The following CCBE1 variants were observed in gnomAD, a reference collection of about 807,000 sequenced individuals.
CCBE1 encodes the protein collagen and calcium binding EGF domains 1.
CCBE1 carries 37 observed loss-of-function variants against 50.0 expected under a neutral mutation model. The ratio of observed to expected loss-of-function variants is 0.74; its 90% CI spans 0.57 to 0.97. The LOEUF (loss-of-function observed/expected upper bound fraction) is 0.97. CCBE1 is among the 50% of genes least tolerant of loss of function. CCBE1 has a pLI of 0.00. For missense variants in CCBE1, 538 were observed against 523.8 expected, an observed-to-expected ratio of 1.03 and a Z score of -0.26; for synonymous variants, 234 against 203.7, an observed-to-expected ratio of 1.15 and a Z score of -1.27.
At chr18:59,671,327 C>T (rs2054426923) in intron 2 of CCBE1, among the ~76,000 whole-genome samples, 1 of 151,938 alleles carries the variant, frequency 6.6e-6, no homozygotes, top group Non-Finnish European at 1.5e-5. Context: ...CAGGGCAAAA[C>T]CCCATCTCTA....
intron 2 of CCBE1, among the ~76,000 whole-genome samples, chr18:59,547,331 A>G (rs1599000753): frequency 6.6e-6 from 1 of 152,278 alleles, no homozygotes; most frequent in African/African-American, 2.4e-5. Flanking sequence ...AGTTGACCTT[A>G]GAGAAAACAG....
At chr18:59,539,240 G>A (rs370743427) in intron 2 of CCBE1, among the ~76,000 whole-genome samples, 31 of 151,850 alleles carry the variant, frequency 2.0e-4, no homozygotes, top group African/African-American at 6.0e-4. Flanking sequence ...ATGACAGACC[G>A]TGACTGCCAT....
intron 2 of CCBE1, among the ~76,000 whole-genome samples, chr18:59,612,061 G>A (rs1321525604): frequency 6.6e-6 from 1 of 152,168 alleles, no homozygotes; most frequent in Non-Finnish European, 1.5e-5. Context: ...ACAGGTCTAA[G>A]CAGGAAGCCT....
rs80180473 is a variant in CCBE1 at position 59,466,064 on chromosome 18, T to C, written c.553+675A>G. Among the ~76,000 whole-genome samples the C allele has an allele frequency of 7.1e-3, 1,078 of 152,218 alleles. 5 individuals carry two copies. The highest frequency in any genetic ancestry group is 0.02 in the Middle Eastern group (6 of 294). On this transcript the variant is annotated intron_variant, in intron 5 of 10. Transcript: ENST00000439986. ...CCCTTCCTGCCCACTTGCCTGCTTG[T>C]CCTCTGAGGTACCTGATTGTGCTCT...
rs527531635 is a variant in CCBE1, at chr18:59,508,674, G to A, written c.213-28436C>T. On this transcript the variant is annotated intron_variant, in intron 2 of 10. Coordinates refer to ENST00000439986, the MANE Select transcript of CCBE1 (RefSeq NM_133459.4). ...GTAAAAGCATGAAGAGATAACTTAT[G>A]TAAAATGGTTTAGCACAGTACACAC... is the stretch of plus-strand genomic sequence containing the variant. Among the ~76,000 whole-genome samples the A allele has an allele frequency of 3.4e-5, 5 of 145,792 alleles. No homozygotes were observed. In the East Asian group the frequency reaches 1.0e-3, roughly 30 times the overall value.
At chr18:59,539,921 GC>G (rs1173268366) in intron 2 of CCBE1, among the ~76,000 whole-genome samples, 24 of 152,040 alleles carry the variant, frequency 1.6e-4, no homozygotes, top group African/African-American at 5.6e-4. Flanking sequence ...TAATAAATAA[GC>G]TTTTTTCAAA....
chr18:59,669,854 A>G (rs2054408463), intron 2 of CCBE1, among the ~76,000 whole-genome samples: 1 of 152,226 alleles, frequency 6.6e-6, no homozygotes, highest in African/African-American at 2.4e-5. Flanking sequence ...CATGGGAAAT[A>G]ATTACTAACG....
chr18:59,528,795 A>G (rs1250818666), intron 2 of CCBE1, among the ~76,000 whole-genome samples: 15 of 150,866 alleles, frequency 9.9e-5, no homozygotes, highest in African/African-American at 3.4e-4. Context: ...GGCATCACCA[A>G]TGCAGGCTGC....
At chr18:59,630,831 G>T (rs1389876611) in intron 2 of CCBE1, among the ~76,000 whole-genome samples, 1 of 152,178 alleles carries the variant, frequency 6.6e-6, no homozygotes, top group African/African-American at 2.4e-5. Flanking sequence ...GGATTCAGGT[G>T]CTCACTGGCC....
At chr18:59,583,378 C>T (rs1206314458) in intron 2 of CCBE1, among the ~76,000 whole-genome samples, 2 of 152,170 alleles carry the variant, frequency 1.3e-5, no homozygotes, top group African/African-American at 4.8e-5. Context: ...CCCAGCTGTC[C>T]ATTTCAATGC....
At chr18:59,490,387 C>CCTTTTTTTTTTTTTTTTTTTTT (rs371004472) in intron 2 of CCBE1, among the ~76,000 whole-genome samples, 1 of 141,794 alleles carries the variant, frequency 7.1e-6, no homozygotes, top group Non-Finnish European at 1.5e-5. Flanking sequence ...GATATTCCCC[C>CCTTTTTTTTTTTTTTTTTTTTT]TTTTTTTTTT....
intron 5 of CCBE1, chr18:59,462,398 A>G (rs1911527293): frequency 6.6e-6 from 1 of 152,058 alleles, no homozygotes; most frequent in Non-Finnish European, 1.5e-5. Context: ...TTTGGGTTTA[A>G]TCAAAGTTTC....
At chr18:59,539,261 C>T (rs891983446) in intron 2 of CCBE1, among the ~76,000 whole-genome samples, 43 of 152,012 alleles carry the variant, frequency 2.8e-4, no homozygotes, top group African/African-American at 9.2e-4. Context: ...CTTGCTGGCT[C>T]TCCCTGGGGC....
chr18:59,674,718 A>G (rs1181305144), intron 2 of CCBE1, among the ~76,000 whole-genome samples: 1 of 152,234 alleles, frequency 6.6e-6, no homozygotes, highest in African/African-American at 2.4e-5. Flanking sequence ...GGATCCAGGA[A>G]AATTTAGCAA....
At position 59,578,984 on chromosome 18, in the gene CCBE1, A is replaced by G. The variant is rs571098887; in HGVS notation, c.213-98746T>C. Among the ~76,000 whole-genome samples the G allele has an allele frequency of 5.9e-5, 9 of 152,342 alleles. No individual in the cohort carries two copies. The South Asian group carries it at 1.0e-3, about 18-fold the overall frequency. On this transcript the variant is annotated intron_variant, in intron 2 of 10. Coordinates refer to ENST00000439986, the MANE Select transcript of CCBE1 (RefSeq NM_133459.4). The stretch of plus-strand genomic sequence containing the variant: ...AAAAGATACTTTTTATCAGAAAAAA[A>G]ATGTAAAGACATAAAAGTCACAGTA...
At position 59,435,916 on chromosome 18, in the gene CCBE1, A is replaced by G. The variant is rs1910130490; in HGVS notation, c.1213T>C (p.Tyr405His). The G allele has an allele frequency of 6.2e-7, 1 of 1,613,788 alleles. No individual in the cohort carries two copies. Among genetic ancestry groups the G allele is most frequent in the Admixed American group, 1.7e-5 (1 of 59,998 alleles). ...TRDLRAPRDF[Y>H]P ...GACGGTGTTGGGATGTGCTATGGGT[A>G]GAAGTCTCTGGGGGCTCTCAAGTCT... Residue 405 changes from tyrosine to histidine, a missense_variant, in exon 11 of 11, where the codon TAC becomes CAC. Transcript: ENST00000439986.
chr18:59,589,400 A>G (rs1039550387), intron 2 of CCBE1, among the ~76,000 whole-genome samples: 3 of 152,224 alleles, frequency 2.0e-5, no homozygotes, highest in Non-Finnish European at 4.4e-5. Flanking sequence ...TAAGTCCAAT[A>G]TCACTGATAG....
chr18:59,517,017 C>T (rs1020409173), intron 2 of CCBE1, among the ~76,000 whole-genome samples: 25 of 152,332 alleles, frequency 1.6e-4, no homozygotes, highest in African/African-American at 6.0e-4. Flanking sequence ...TATATCACTT[C>T]TTCTTCCTTG....
At chr18:59,670,203 T>C (rs2144707270) in intron 2 of CCBE1, among the ~76,000 whole-genome samples, 1 of 152,078 alleles carries the variant, frequency 6.6e-6, no homozygotes, top group Non-Finnish European at 1.5e-5. Context: ...AACTTCTGAG[T>C]GAAAATTATA....
Sources: allele counts gnomAD v4.1 joint callset (sites outside exome capture counted in the v4.1 genomes callset), GRCh38; gene constraint gnomAD v4.1.1; transcripts MANE v1.5; gene names NCBI Gene and HGNC (gene_info 2026-07-23, HGNC 2026-07-21).